Variants in EEFSEC observed in about 807,000 individuals in gnomAD.
EEFSEC encodes the protein selenocysteine-specific elongation factor.
EEFSEC carries 43 observed loss-of-function variants against 42.1 expected under a neutral mutation model. The observed-to-expected ratio is 1.02, with a 90% CI of 0.80 to 1.32. The LOEUF is 1.32. Ranked by LOEUF, EEFSEC falls within the 40% of genes most tolerant of loss-of-function variation. The pLI is 0.00. For missense variants in EEFSEC, 745 were observed against 803.6 expected (o/e 0.93, Z 0.88); for synonymous variants, 354 against 339.1 (o/e 1.04, Z -0.48).
At chr3:128,216,833 A>G (rs2065815557) in intron 1 of EEFSEC, among the ~76,000 whole-genome samples, 1 of 152,216 alleles carries the variant, frequency 6.6e-6, no homozygotes, top group Non-Finnish European at 1.5e-5. Flanking sequence ...GGCTATAGGT[A>G]GGACAGAATA....
chr3:128,168,737 A>G (rs1189227992), intron 1 of EEFSEC, among the ~76,000 whole-genome samples: 1 of 152,228 alleles, frequency 6.6e-6, no homozygotes, highest in African/African-American at 2.4e-5. Flanking sequence ...CTGGACCCTA[A>G]GAGGGGAGGC....
intron 2 of EEFSEC, among the ~76,000 whole-genome samples, chr3:128,259,460 A>T (rs1353128950): frequency 1.3e-5 from 2 of 152,234 alleles, no homozygotes; most frequent in Admixed American, 1.3e-4. Flanking sequence ...GGCATCTTAG[A>T]TGTCCATTGT....
intron 5 of EEFSEC, among the ~76,000 whole-genome samples, chr3:128,348,271 C>CGTGTAT (rs2067338718): frequency 6.8e-6 from 1 of 147,702 alleles, no homozygotes; most frequent in South Asian, 2.1e-4. Flanking sequence ...TGTGTGTGTG[C>CGTGTAT]GTGTGCGTGT....
intron 6 of EEFSEC, among the ~76,000 whole-genome samples, chr3:128,369,591 T>A (rs77552755): frequency 0.042 from 6,400 of 152,236 alleles, 437 homozygotes; most frequent in African/African-American, 0.14. Flanking sequence ...GGGATGTGGG[T>A]AGCAGGGTAC....
chr3:128,411,084 C>T (rs1247966423), downstream of EEFSEC, among the ~76,000 whole-genome samples: 2 of 152,218 alleles, frequency 1.3e-5, no homozygotes, highest in African/African-American at 4.8e-5. Context: ...GGTGGAAACC[C>T]GAGCGTCCAT....
intron 4 of EEFSEC, among the ~76,000 whole-genome samples, chr3:128,274,548 G>A (rs1030697401): frequency 6.6e-6 from 1 of 152,200 alleles, no homozygotes; most frequent in Non-Finnish European, 1.5e-5. Context: ...AGCCTAGGTC[G>A]GTGTGGGCCC....
intron 4 of EEFSEC, among the ~76,000 whole-genome samples, chr3:128,275,471 C>T (rs576190171): frequency 8.5e-5 from 13 of 152,310 alleles, no homozygotes; most frequent in Admixed American, 6.5e-4. Flanking sequence ...ACTGTTGATG[C>T]GTGTCATGTC....
chr3:128,406,354 G>A (rs1233141256), intron 6 of EEFSEC, among the ~76,000 whole-genome samples: 1 of 152,194 alleles, frequency 6.6e-6, no homozygotes, highest in African/African-American at 2.4e-5. Context: ...GTGGGAGCCT[G>A]GGGGTGCAGG....
At chr3:128,422,560 T>A in the EEFSEC span, among the ~76,000 whole-genome samples, 2 of 152,140 alleles carry the variant, frequency 1.3e-5, no homozygotes, top group Non-Finnish European at 1.5e-5. Flanking sequence ...CCTGAGAAAC[T>A]CGTTCTCACT....
intron 4 of EEFSEC, among the ~76,000 whole-genome samples, chr3:128,338,515 C>T (rs1233072206): frequency 6.6e-6 from 1 of 152,046 alleles, no homozygotes; most frequent in Non-Finnish European, 1.5e-5. Context: ...CAGAGAAGCC[C>T]TTCTAGGAGG....
chr3:128,370,349 G>A (rs2067639562), intron 6 of EEFSEC, among the ~76,000 whole-genome samples: 1 of 152,192 alleles, frequency 6.6e-6, no homozygotes, highest in Admixed American at 6.5e-5. Context: ...AGAGATAGCT[G>A]TGTGGAGGGA....
intron 6 of EEFSEC, among the ~76,000 whole-genome samples, chr3:128,398,256 T>C (rs1464324142): frequency 1.3e-5 from 2 of 151,596 alleles, no homozygotes; most frequent in East Asian, 2.0e-4. Flanking sequence ...CAAGCCAAGA[T>C]GCTACAGAGC....
chr3:128,316,196 A>C (rs867769444), intron 4 of EEFSEC, among the ~76,000 whole-genome samples: 2 of 152,220 alleles, frequency 1.3e-5, no homozygotes, highest in Non-Finnish European at 2.9e-5. Flanking sequence ...GTGAATAATT[A>C]ATTCACTATC....
intron 6 of EEFSEC, among the ~76,000 whole-genome samples, chr3:128,377,626 G>T (rs1330256033): frequency 6.6e-6 from 1 of 152,226 alleles, no homozygotes; most frequent in Non-Finnish European, 1.5e-5. Context: ...ATCTGTGGAT[G>T]TTCCATCTCT....
chr3:128,361,189 G>C (rs150858031), intron 6 of EEFSEC, among the ~76,000 whole-genome samples: 1 of 152,116 alleles, frequency 6.6e-6, no homozygotes, highest in South Asian at 2.1e-4. Flanking sequence ...AGAATGAAGA[G>C]TCCCCTGGGT....
At chr3:128,395,226 C>A (rs1274034919) in intron 6 of EEFSEC, among the ~76,000 whole-genome samples, 1 of 152,190 alleles carries the variant, frequency 6.6e-6, no homozygotes, top group African/African-American at 2.4e-5. Context: ...GTGTGTGAGG[C>A]CTCCGGGCCA....
At chr3:128,398,607 G>A (rs1365737841) in intron 6 of EEFSEC, among the ~76,000 whole-genome samples, 2 of 152,124 alleles carry the variant, frequency 1.3e-5, no homozygotes, top group Admixed American at 6.5e-5. Context: ...CCCCGTGTCC[G>A]GGCCCTGGGG....
chr3:128,299,285 CATT>C (rs753504529), intron 4 of EEFSEC, among the ~76,000 whole-genome samples: 15 of 152,130 alleles, frequency 9.9e-5, no homozygotes, highest in Non-Finnish European at 1.8e-4. Context: ...GGTGGTAACT[CATT>C]GTCGTTTGGA....
chr3:128,155,052 C>T (rs532365425), intron 1 of EEFSEC, among the ~76,000 whole-genome samples: 1 of 152,288 alleles, frequency 6.6e-6, no homozygotes, highest in Non-Finnish European at 1.5e-5. Flanking sequence ...TTACCCACTC[C>T]TCTGTCCTAA....
Sources: gnomAD v4.1 joint callset for allele counts (sites outside exome capture counted in the v4.1 genomes callset) on GRCh38, gnomAD v4.1.1 for gene constraint, MANE v1.5 for transcripts, NCBI Gene and HGNC (gene_info 2026-07-23, HGNC 2026-07-21) for gene names.